Variants in KIT observed in about 807,000 individuals in gnomAD.
KIT encodes mast/stem cell growth factor receptor Kit.
A neutral mutation model predicts 105.7 loss-of-function variants in KIT; 16 were observed. The ratio of observed to expected loss-of-function variants is 0.15; its 90% confidence interval spans 0.10 to 0.23. The LOEUF (loss-of-function observed/expected upper bound fraction) is 0.23. KIT is among the 10% of genes least tolerant of loss of function. The pLI is 1.00. For synonymous variants in KIT, 438 were observed against 441.1 expected, an observed-to-expected ratio of 0.99 and a Z score of 0.09; for missense variants, 858 against 1,213.8, an observed-to-expected ratio of 0.71 and a Z score of 4.36.
chr4:54,673,281 G>A (rs1334576572), intron 1 of KIT, among the ~76,000 whole-genome samples: 1 of 152,004 alleles, frequency 6.6e-6, no homozygotes. Flanking sequence ...ATTCATGTTA[G>A]ACCTTCTTAG....
intron 1 of KIT, among the ~76,000 whole-genome samples, chr4:54,658,506 A>T (rs1162753404): frequency 2.0e-5 from 3 of 151,472 alleles, no homozygotes; most frequent in African/African-American, 7.3e-5. Context: ...CGTGTGTGTG[A>T]CCGGCGCCCG....
chr4:54,683,867 A>G (rs1157546967), intron 1 of KIT, among the ~76,000 whole-genome samples: 1 of 152,220 alleles, frequency 6.6e-6, no homozygotes, highest in Non-Finnish European at 1.5e-5. Context: ...GGGTTGCACT[A>G]AAATGAATCT....
At chr4:54,687,642 A>G (rs905381375) in intron 1 of KIT, among the ~76,000 whole-genome samples, 2 of 151,866 alleles carry the variant, frequency 1.3e-5, no homozygotes, top group Non-Finnish European at 2.9e-5. Context: ...GGATTGTGAG[A>G]GCTCACAGTT....
chr4:54,682,096 T>C (rs1223760921), intron 1 of KIT, among the ~76,000 whole-genome samples: 1 of 150,768 alleles, frequency 6.6e-6, no homozygotes, highest in Non-Finnish European at 1.5e-5. Flanking sequence ...TTTTCTTTTT[T>C]TTTTTTTTTT....
At position 54,707,171 on chromosome 4, in the gene KIT, G is replaced by C. The variant is rs767936896; in HGVS notation, c.999G>C (p.Leu333Phe). The C allele has an allele frequency of 6.3e-7, 1 of 1,593,748 alleles. No homozygotes were observed. The highest frequency in any genetic ancestry group is 2.2e-5 in the East Asian group (1 of 44,750). ...VFVNDGENVDLIVEYEAFPKP... is the reference protein window; with the variant it reads ...VFVNDGENVDFIVEYEAFPKP... ...TAAACGATGGAGAAAATGTAGATTTGATTGTTGAATATGAAGCATTCCCCA... is the reference window on the plus strand; with the variant it reads ...TAAACGATGGAGAAAATGTAGATTTCATTGTTGAATATGAAGCATTCCCCA... Residue 333 changes from leucine (L) to phenylalanine (F), a missense_variant, in exon 6 of 21, where the codon TTG becomes TTC. This residue lies in a region of KIT where 401 missense variants were observed against 601.0 expected (regional missense o/e 0.67). Coordinates refer to ENST00000288135, the MANE Select transcript of KIT (RefSeq NM_000222.3).
At chr4:54,701,813 G>A (rs1395865763) in intron 4 of KIT, among the ~76,000 whole-genome samples, 1 of 152,162 alleles carries the variant, frequency 6.6e-6, no homozygotes, top group Non-Finnish European at 1.5e-5. Flanking sequence ...TATGAACTGG[G>A]AAAAGCCAGT....
intron 7 of KIT, among the ~76,000 whole-genome samples, chr4:54,723,370 T>G (rs1010685846): frequency 6.6e-6 from 1 of 152,180 alleles, no homozygotes; most frequent in Non-Finnish European, 1.5e-5. Context: ...CCTCTGGGGC[T>G]GGGCCACTGT....
intron 1 of KIT, among the ~76,000 whole-genome samples, chr4:54,672,107 C>G (rs1486145415): frequency 6.6e-6 from 1 of 152,148 alleles, no homozygotes; most frequent in Admixed American, 6.5e-5. Context: ...AGAAAGCAAA[C>G]AAGATCTACA....
At chr4:54,711,130 CT>C (rs1721135130) in intron 7 of KIT, among the ~76,000 whole-genome samples, 2 of 152,314 alleles carry the variant, frequency 1.3e-5, no homozygotes, top group Admixed American at 1.3e-4. Context: ...ATCCTTCTGC[CT>C]TGTCCTCCCA....
rs372759428 is a variant in KIT, at chr4:54,727,392, C to A, written c.1648-24C>A. On this transcript the variant is annotated intron_variant, in intron 10 of 20. Coordinates refer to ENST00000288135, the MANE Select transcript of KIT (RefSeq NM_000222.3). ...GAGACAATAATTATTAAAAGGTGAT[C>A]TATTTTTCCCTTTCTCCCCACAGAA... 3 of 1,613,982 alleles carry A rather than the reference C, an allele frequency of 1.9e-6. No homozygotes were observed. In the African/African-American group the frequency reaches 4.0e-5, roughly 22 times the overall value.
chr4:54,672,938 C>T lies in KIT; in HGVS notation c.67+14857C>T, dbSNP rs553999562. ...GGCTAGTATAAAATTGCTGGCCCAT[C>T]TTATCTTTGCTTGGATACCTTTATT... On this transcript the variant is annotated intron_variant, in intron 1 of 20. Coordinates refer to ENST00000288135, the MANE Select transcript of KIT (RefSeq NM_000222.3). 2.0e-5 allele frequency among the ~76,000 whole-genome samples: 3 copies of T among 152,318 alleles called. No individual in the cohort carries two copies. In the South Asian group the frequency reaches 6.2e-4, roughly 32 times the overall value.
intron 5 of KIT, 53 bp from the exon 6 acceptor site, chr4:54,707,045 T>C: frequency 9.9e-7 from 1 of 1,007,946 alleles, no homozygotes; most frequent in Non-Finnish European, 1.5e-6. Context: ...TCTGTTTTTT[T>C]GTCCAGTAGT....
intron 1 of KIT, among the ~76,000 whole-genome samples, chr4:54,680,743 G>A (rs531673232): frequency 6.6e-6 from 1 of 152,188 alleles, no homozygotes; most frequent in Non-Finnish European, 1.5e-5. Flanking sequence ...GCAGGGAATT[G>A]ACATTTTGCA....
chr4:54,691,506 C>T (rs971398198), intron 1 of KIT, among the ~76,000 whole-genome samples: 2 of 152,054 alleles, frequency 1.3e-5, no homozygotes, highest in Non-Finnish European at 2.9e-5. Context: ...GGATGATGGG[C>T]ATGACAACGG....
Position 54,739,266 on chromosome 4 carries a change from G to A in KIT, c.*709G>A. The A allele has an allele frequency of 4.1e-6, 1 of 246,798 alleles. No homozygotes were observed. Among genetic ancestry groups the A allele is most frequent in the Non-Finnish European group, 7.8e-6 (1 of 127,400 alleles). 15.3% of individuals were successfully genotyped at this position (246,798 alleles called of 1,614,324 possible). On this transcript the variant is annotated 3_prime_UTR_variant, in exon 21 of 21. Coordinates refer to ENST00000288135, the MANE Select transcript of KIT (RefSeq NM_000222.3). ...AAATTGTCCGTGTTCATACATTTGAGGGGAAAACACCATAAGGTTTCGTTT... is the reference window on the plus strand; with the variant it reads ...AAATTGTCCGTGTTCATACATTTGAAGGGAAAACACCATAAGGTTTCGTTT...
rs1349391161 is a variant in KIT, at chr4:54,695,632, T to C, written c.188T>C (p.Phe63Ser). The stretch of plus-strand genomic sequence containing the variant: ...AGGCTGTTATGCACTGATCCGGGCT[T>C]TGTCAAATGGACTTTTGAGATCCTG... ...EIRLLCTDPGFVKWTFEILDE... is the reference protein window; with the variant it reads ...EIRLLCTDPGSVKWTFEILDE... Residue 63 changes from phenylalanine (F) to serine (S), a missense_variant, in exon 2 of 21, where the codon TTT becomes TCT. Coordinates refer to ENST00000288135, the MANE Select transcript of KIT (RefSeq NM_000222.3). 6.2e-7 allele frequency: 1 copy of C among 1,614,250 alleles called. No homozygotes were observed. Among genetic ancestry groups the C allele is most frequent in the East Asian group, 2.2e-5 (1 of 44,888 alleles).
chr4:54,670,691 G>T (rs1038740122), intron 1 of KIT, among the ~76,000 whole-genome samples: 6 of 152,110 alleles, frequency 3.9e-5, no homozygotes, highest in Non-Finnish European at 8.8e-5. Context: ...CCCAAGGCAG[G>T]TCATAGAAAC....
At chr4:54,672,650 A>G (rs1718195408) in intron 1 of KIT, among the ~76,000 whole-genome samples, 1 of 152,104 alleles carries the variant, frequency 6.6e-6, no homozygotes, top group African/African-American at 2.4e-5. Flanking sequence ...AACTTCACCT[A>G]TTCCCCATTT....
rs1723098844 is a variant in KIT, at chr4:54,739,043, A to C, written c.*486A>C. 1 of 431,460 alleles carries C rather than the reference A, an allele frequency of 2.3e-6. No homozygotes were observed. Among genetic ancestry groups the C allele is most frequent in the Admixed American group, 3.8e-5 (1 of 26,014 alleles). The allele number at this position is 431,460 out of a possible 1,614,324, so 26.7% of individuals were successfully genotyped here. ...GACAGAGTATGAACACCTGGGCTTAAGAAATCTAGTATTTCATGCTGGGAA... is the reference window on the plus strand; with the variant it reads ...GACAGAGTATGAACACCTGGGCTTACGAAATCTAGTATTTCATGCTGGGAA... On this transcript the variant is annotated 3_prime_UTR_variant, in exon 21 of 21. Transcript: ENST00000288135.
Sources: allele counts gnomAD v4.1 joint callset (sites outside exome capture counted in the v4.1 genomes callset), GRCh38; gene constraint gnomAD v4.1.1; regional missense constraint gnomAD v4.1.1; transcripts MANE v1.5; gene names NCBI Gene and HGNC (gene_info 2026-07-23, HGNC 2026-07-21).